Variants in SPOCK1 observed in about 807,000 individuals in gnomAD.
SPOCK1 encodes the protein SPARC (osteonectin), cwcv and kazal like domains proteoglycan 1.
Under a neutral mutation model 55.3 loss-of-function variants are expected in SPOCK1, and 23 were observed. That is an observed-to-expected ratio of 0.42 (90% CI 0.30 to 0.59). The LOEUF (loss-of-function observed/expected upper bound fraction) is 0.59, where lower values mean the gene tolerates loss of function less well. Ranked by LOEUF, SPOCK1 falls within the 20% of genes least tolerant of loss-of-function variation. The pLI is 0.22. For missense variants in SPOCK1, 499 were observed against 552.5 expected (o/e 0.90, Z 0.97); for synonymous variants, 226 against 221.0 (o/e 1.02, Z -0.20).
chr5:137,187,515 C>A (rs967283537), intron 3 of SPOCK1, among the ~76,000 whole-genome samples: 1 of 152,164 alleles, frequency 6.6e-6, no homozygotes, highest in African/African-American at 2.4e-5. Context: ...TCATCTATAG[C>A]AAATACCTCC....
rs1450535011 is a variant in SPOCK1, at chr5:137,087,673, C to T, written c.475-19844G>A. Among the ~76,000 whole-genome samples, 4 of 152,212 alleles carry T rather than the reference C, an allele frequency of 2.6e-5. 1 individual carries two copies. Among genetic ancestry groups the T allele is most frequent in the Non-Finnish European group, 5.9e-5 (4 of 68,042 alleles). ...GAATACTGCCATGTGTGTCCCAGGG[C>T]AGGGCCCTGGAGAGCACCAGGACCT... On this transcript the variant is annotated intron_variant, in intron 5 of 10. Transcript: ENST00000394945.
intron 3 of SPOCK1, among the ~76,000 whole-genome samples, chr5:137,258,162 A>C (rs1473205599): frequency 3.9e-5 from 6 of 152,168 alleles, no homozygotes; most frequent in Non-Finnish European, 8.8e-5. Context: ...TGTGTAATAA[A>C]TGTCATAATT....
chr5:137,274,782 T>A (rs1169424967), intron 2 of SPOCK1, among the ~76,000 whole-genome samples: 2 of 152,222 alleles, frequency 1.3e-5, no homozygotes, highest in Non-Finnish European at 2.9e-5. Flanking sequence ...GAGAGATTTT[T>A]AAAAAATCAA....
intron 3 of SPOCK1, among the ~76,000 whole-genome samples, chr5:137,212,990 G>GTTTCCT (rs1755646679): frequency 6.6e-6 from 1 of 152,152 alleles, no homozygotes; most frequent in Non-Finnish European, 1.5e-5. Context: ...GGAGGTCAAG[G>GTTTCCT]CCATGAGTCT....
At position 136,978,780 on chromosome 5, in the gene SPOCK1, T is replaced by C; in HGVS notation, c.1194A>G (p.Leu398=). Residue 398 remains leucine, a synonymous_variant, in exon 11 of 11, where the codon CTA becomes CTG. Transcript: ENST00000394945. Reference sequence around the variant, plus strand: ...TTGGTCCCAGCTCCCGTTCATATTCTAGGTCATCCAGCAGGACCACGGACC... The same window carrying C: ...TTGGTCCCAGCTCCCGTTCATATTCCAGGTCATCCAGCAGGACCACGGACC... ...SGGSVVLLDD[L]EYERELGPKD... 1 of 1,614,116 alleles carries C rather than the reference T, an allele frequency of 6.2e-7. No homozygotes were observed. Among genetic ancestry groups the C allele is most frequent in the Non-Finnish European group, 8.5e-7 (1 of 1,180,012 alleles).
chr5:137,342,163 G>A (rs766248423), intron 2 of SPOCK1, among the ~76,000 whole-genome samples: 2 of 152,230 alleles, frequency 1.3e-5, no homozygotes, highest in Non-Finnish European at 2.9e-5. Flanking sequence ...CCTCCGCGGA[G>A]GATAGTGTCT....
intron 6 of SPOCK1, among the ~76,000 whole-genome samples, chr5:137,051,621 A>G (rs1752210235): frequency 6.6e-6 from 1 of 152,248 alleles, no homozygotes; most frequent in Non-Finnish European, 1.5e-5. Flanking sequence ...GTTAAAAACA[A>G]ATGACATATT....
At chr5:137,198,785 T>C (rs902048890) in intron 3 of SPOCK1, among the ~76,000 whole-genome samples, 5 of 152,346 alleles carry the variant, frequency 3.3e-5, no homozygotes, top group Middle Eastern at 3.4e-3. Flanking sequence ...TGTTTTAAGA[T>C]TATTGTCTTT....
intron 2 of SPOCK1, among the ~76,000 whole-genome samples, chr5:137,486,997 T>C (rs958852336): frequency 2.6e-5 from 4 of 152,196 alleles, no homozygotes; most frequent in African/African-American, 9.6e-5. Context: ...GGAATCATCA[T>C]GTCCAATAAG....
rs1750737851 is a variant in SPOCK1, at chr5:136,981,854, C to T, written c.992-2385G>A. Among the ~76,000 whole-genome samples the T allele has an allele frequency of 5.3e-5, 8 of 152,190 alleles. No individual in the cohort carries two copies. The South Asian group carries it at 1.7e-3, about 31-fold the overall frequency. On this transcript the variant is annotated intron_variant, in intron 9 of 10. Transcript: ENST00000394945. ...TGAAAACCACTGTGGCTATAATTCG[C>T]CCTTACAGTTCTATTCCATTTTAAG... is the stretch of plus-strand genomic sequence containing the variant.
intron 6 of SPOCK1, among the ~76,000 whole-genome samples, chr5:136,994,571 G>C (rs983465126): frequency 6.6e-6 from 1 of 151,808 alleles, no homozygotes; most frequent in African/African-American, 2.4e-5. Flanking sequence ...TTTTTAAACT[G>C]AACATTTATA....
chr5:137,299,936 A>G (rs1757555835), intron 2 of SPOCK1, among the ~76,000 whole-genome samples: 1 of 152,146 alleles, frequency 6.6e-6, no homozygotes, highest in Non-Finnish European at 1.5e-5. Flanking sequence ...CTATAAATTA[A>G]TGTTCTCGCC....
intron 2 of SPOCK1, among the ~76,000 whole-genome samples, chr5:137,405,822 G>A (rs925577984): frequency 2.0e-5 from 3 of 152,170 alleles, no homozygotes; most frequent in African/African-American, 7.2e-5. Context: ...CTGTGCTGTG[G>A]ATCAACAGTA....
intron 3 of SPOCK1, among the ~76,000 whole-genome samples, chr5:137,194,523 C>T (rs1755260470): frequency 6.6e-6 from 1 of 152,106 alleles, no homozygotes; most frequent in South Asian, 2.1e-4. Flanking sequence ...GAGCACTGGT[C>T]TTTGCTTTCT....
intron 3 of SPOCK1, 97 bp from the exon 4 acceptor site, chr5:137,140,791 C>T (rs1754081506): frequency 1.3e-6 from 1 of 745,568 alleles, no homozygotes; most frequent in Non-Finnish European, 2.0e-6. Context: ...CGGACTCTCG[C>T]TGTGTTGCCC....
chr5:137,181,418 A>G (rs980018442), intron 3 of SPOCK1, among the ~76,000 whole-genome samples: 7 of 152,222 alleles, frequency 4.6e-5, no homozygotes, highest in African/African-American at 1.7e-4. Flanking sequence ...ACTAGGATGG[A>G]CTAGAAGCAC....
intron 2 of SPOCK1, among the ~76,000 whole-genome samples, chr5:137,267,764 C>T (rs1047829260): frequency 1.3e-5 from 2 of 152,192 alleles, no homozygotes; most frequent in African/African-American, 2.4e-5. Context: ...TTCCCCACTC[C>T]TAATAACCCT....
chr5:137,356,745 C>T (rs1750808950), intron 2 of SPOCK1, among the ~76,000 whole-genome samples: 1 of 142,070 alleles, frequency 7.0e-6, no homozygotes, highest in Admixed American at 7.2e-5. Flanking sequence ...GAGCTGAGAT[C>T]ATGCCACTGC....
chr5:137,229,481 A>G (rs1253761570), intron 3 of SPOCK1, among the ~76,000 whole-genome samples: 1 of 152,114 alleles, frequency 6.6e-6, no homozygotes, highest in Non-Finnish European at 1.5e-5. Context: ...GACAGACCCT[A>G]TGGGAAGATG....
Sources: gnomAD v4.1 joint callset for allele counts (sites outside exome capture counted in the v4.1 genomes callset) on GRCh38, gnomAD v4.1.1 for gene constraint, MANE v1.5 for transcripts, NCBI Gene and HGNC (gene_info 2026-07-23, HGNC 2026-07-21) for gene names.